The following DDX60 variants were observed in gnomAD, a reference collection of about 807,000 sequenced individuals.
DDX60 encodes the protein probable ATP-dependent RNA helicase DDX60.
A neutral mutation model predicts 212.8 loss-of-function variants in DDX60; 165 were observed. The observed-to-expected ratio is 0.78, with a 90% confidence interval of 0.68 to 0.88. The LOEUF (loss-of-function observed/expected upper bound fraction) is 0.88, where lower values mean the gene tolerates loss of function less well. DDX60 is among the 40% of genes least tolerant of loss of function. DDX60 has a pLI of 0.00. For missense variants in DDX60, 1,905 were observed against 2,003.9 expected, an observed-to-expected ratio of 0.95 and a Z score of 0.94; for synonymous variants, 703 against 685.3, an observed-to-expected ratio of 1.03 and a Z score of -0.40.
chr4:168,254,197 C>T (rs1450325311), intron 26 of DDX60, among the ~76,000 whole-genome samples: 1 of 152,162 alleles, frequency 6.6e-6, no homozygotes, highest in Admixed American at 6.5e-5. Flanking sequence ...AGAATGAGCT[C>T]CGGGTGGGCA....
intron 12 of DDX60, among the ~76,000 whole-genome samples, chr4:168,284,313 A>G (rs1293347042): frequency 1.3e-5 from 2 of 152,150 alleles, no homozygotes; most frequent in Non-Finnish European, 1.5e-5. Flanking sequence ...TGTCAACTCT[A>G]ACGGGGCTGG....
At chr4:168,299,508 A>G (rs989756945) in intron 6 of DDX60, among the ~76,000 whole-genome samples, 21 of 152,226 alleles carry the variant, frequency 1.4e-4, no homozygotes, top group Non-Finnish European at 2.5e-4. Context: ...TCATTAATAA[A>G]TCAAAATTCT....
chr4:168,242,440 A>T (rs1054291608), intron 30 of DDX60, among the ~76,000 whole-genome samples: 2 of 152,226 alleles, frequency 1.3e-5, no homozygotes, highest in Non-Finnish European at 2.9e-5. Context: ...AAGCCATTGA[A>T]GTGAAGCTGC....
chr4:168,218,540 C>T (rs1244690474), intron 37 of DDX60, among the ~76,000 whole-genome samples: 2 of 152,130 alleles, frequency 1.3e-5, no homozygotes, highest in Admixed American at 1.3e-4. Context: ...ATTTCTGCCA[C>T]ATATATAATC....
At chr4:168,277,540 T>G (rs555802254) in intron 14 of DDX60, among the ~76,000 whole-genome samples, 7 of 152,228 alleles carry the variant, frequency 4.6e-5, no homozygotes, top group African/African-American at 1.4e-4. Flanking sequence ...TTCAAAACTA[T>G]TAAATGAAAA....
chr4:168,237,456 T>C (rs771557385), intron 31 of DDX60, 29 bp from the exon 32 acceptor site: 4 of 1,533,038 alleles, frequency 2.6e-6, no homozygotes, highest in Non-Finnish European at 2.6e-6. Context: ...TTTATTAGTT[T>C]GACTCAAGTC....
At chr4:168,247,363 G>GTA (rs1398258861) in intron 29 of DDX60, among the ~76,000 whole-genome samples, 3 of 152,162 alleles carry the variant, frequency 2.0e-5, no homozygotes, top group Non-Finnish European at 4.4e-5. Flanking sequence ...TTGATTCAGA[G>GTA]TATGGCAGCA....
At chr4:168,308,228 A>T (rs775277384) in intron 3 of DDX60, 33 bp from the exon 4 acceptor site, 5 of 1,262,976 alleles carry the variant, frequency 4.0e-6, no homozygotes, top group Non-Finnish European at 5.6e-6. Flanking sequence ...CAAAAATCAC[A>T]TATGCATTAA....
chr4:168,242,323 AC>A (rs980375978), intron 30 of DDX60, among the ~76,000 whole-genome samples: 1 of 152,074 alleles, frequency 6.6e-6, no homozygotes, highest in African/African-American at 2.4e-5. Context: ...CACCCTCCAG[AC>A]CCCAGAATGA....
intron 35 of DDX60, among the ~76,000 whole-genome samples, chr4:168,222,136 G>T (rs1733082211): frequency 6.6e-6 from 1 of 152,008 alleles, no homozygotes. Context: ...CCATCCACTA[G>T]AATATAGAAA....
At chr4:168,229,821 A>T (rs961289265) in intron 33 of DDX60, among the ~76,000 whole-genome samples, 4 of 152,124 alleles carry the variant, frequency 2.6e-5, no homozygotes, top group African/African-American at 9.7e-5. Flanking sequence ...AGAAAAAACA[A>T]GGTATTTGGG....
chr4:168,242,325 C>A (rs557434050), intron 30 of DDX60, among the ~76,000 whole-genome samples: 11 of 152,278 alleles, frequency 7.2e-5, no homozygotes, highest in African/African-American at 2.6e-4. Flanking sequence ...CCCTCCAGAC[C>A]CCAGAATGAC....
Position 168,248,544 on chromosome 4 carries a change from A to C in DDX60, c.3859-252T>G, listed in dbSNP as rs1325321507. Among the ~76,000 whole-genome samples, 3 of 152,154 alleles carry C rather than the reference A, an allele frequency of 2.0e-5. No homozygotes were observed. The East Asian group carries it at 5.8e-4, about 29-fold the overall frequency. On this transcript the variant is annotated intron_variant, in intron 28 of 37. Coordinates refer to ENST00000393743, the MANE Select transcript of DDX60 (RefSeq NM_017631.6). ...CTCTGGCTTCTTCAGCTGTCTACTC[A>C]AATGTCACAGAGGAATCTGTAGCTC... is the stretch of plus-strand genomic sequence containing the variant.
At chr4:168,272,001 T>G in intron 19 of DDX60, 42 bp downstream of exon 19, 1 of 1,401,716 alleles carries the variant, frequency 7.1e-7, no homozygotes, top group East Asian at 2.5e-5. Context: ...GCTATGCAAG[T>G]GTGCACTAGG....
chr4:168,273,484 T>C (rs1013395497), intron 17 of DDX60, 86 bp from the exon 18 acceptor site: 5 of 1,539,720 alleles, frequency 3.2e-6, no homozygotes, highest in East Asian at 2.3e-5. Context: ...TAAAAGTGTG[T>C]CCTGCTTTCA....
At chr4:168,250,185 T>C (rs915505457) in intron 28 of DDX60, among the ~76,000 whole-genome samples, 12 of 152,214 alleles carry the variant, frequency 7.9e-5, no homozygotes, top group African/African-American at 2.9e-4. Flanking sequence ...AACATAGATA[T>C]ATTTCATGGT....
intron 26 of DDX60, among the ~76,000 whole-genome samples, chr4:168,253,924 C>T (rs966461109): frequency 1.2e-4 from 18 of 152,164 alleles, no homozygotes; most frequent in Non-Finnish European, 2.5e-4. Flanking sequence ...CTTAGCTGTG[C>T]ACGGAAGACA....
chr4:168,306,294 AGAG>A, intron 5 of DDX60, 82 bp downstream of exon 5: 6 of 874,056 alleles, frequency 6.9e-6, no homozygotes, highest in Non-Finnish European at 1.0e-5. Flanking sequence ...ATAATTTCCT[AGAG>A]GAGGAGGAGA....
chr4:168,217,267 A>G (rs2149488146), intron 37 of DDX60, among the ~76,000 whole-genome samples: 1 of 152,328 alleles, frequency 6.6e-6, no homozygotes. Flanking sequence ...TTACCAAGAG[A>G]GTCTGAAAAG....
Sources: allele counts gnomAD v4.1 joint callset (sites outside exome capture counted in the v4.1 genomes callset), GRCh38; gene constraint gnomAD v4.1.1; transcripts MANE v1.5; gene names NCBI Gene and HGNC (gene_info 2026-07-23, HGNC 2026-07-21).